The following PPP2R2C variants were observed in gnomAD, a reference collection of about 807,000 sequenced individuals.
The protein encoded by PPP2R2C is protein phosphatase 2 regulatory subunit Bgamma.
PPP2R2C carries 10 observed loss-of-function variants against 45.3 expected under a neutral mutation model. The ratio of observed to expected loss-of-function variants is 0.22; its 90% CI spans 0.14 to 0.37. The LOEUF is 0.37. PPP2R2C is among the 10% of genes least tolerant of loss of function. The pLI is 1.00. For missense variants in PPP2R2C, 308 were observed against 619.7 expected (o/e 0.50, Z 5.34); for synonymous variants, 257 against 245.4 (o/e 1.05, Z -0.44).
At chr4:6,455,480 T>C (rs933045042) in intron 1 of PPP2R2C, among the ~76,000 whole-genome samples, 1 of 152,010 alleles carries the variant, frequency 6.6e-6, no homozygotes, top group African/African-American at 2.4e-5. Flanking sequence ...CAAACACCAT[T>C]CAAGGAGACC....
At chr4:6,467,542 G>A (rs1721655841) in intron 1 of PPP2R2C, among the ~76,000 whole-genome samples, 1 of 152,058 alleles carries the variant, frequency 6.6e-6, no homozygotes, top group Admixed American at 6.5e-5. Context: ...ACCAGAAATT[G>A]GCAACCTTGA....
chr4:6,363,110 C>G (rs1183285661), intron 5 of PPP2R2C, among the ~76,000 whole-genome samples: 6 of 152,142 alleles, frequency 3.9e-5, no homozygotes, highest in African/African-American at 1.4e-4. Context: ...ACGGGGTCAG[C>G]ACCATGGACA....
At chr4:6,356,437 G>A (rs1314939385) in intron 5 of PPP2R2C, among the ~76,000 whole-genome samples, 1 of 152,178 alleles carries the variant, frequency 6.6e-6, no homozygotes, top group African/African-American at 2.4e-5. Flanking sequence ...GACTCAGTTG[G>A]GCTCCAGAGT....
rs1732108978 is a variant in PPP2R2C at position 6,328,154 on chromosome 4, A to G, written c.1052+1108T>C. ...TCCACAGGGTGGACAGCCCCCCACC[A>G]GGTGATGCCCAAGTCAGGGCTGCTG... On this transcript the variant is annotated intron_variant, in intron 8 of 8. Coordinates refer to ENST00000382599, the MANE Select transcript of PPP2R2C (RefSeq NM_020416.4). This position sits in a 1 kb window ranked among gnomAD's most constrained non-coding sequence, Gnocchi z 4.4. 6.6e-6 allele frequency among the ~76,000 whole-genome samples: 1 copy of G among 152,124 alleles called. No homozygotes were observed. Among genetic ancestry groups the G allele is most frequent in the Non-Finnish European group, 1.5e-5 (1 of 68,004 alleles).
chr4:6,552,115 C>G (rs1335392944), intron 1 of PPP2R2C, among the ~76,000 whole-genome samples: 1 of 152,204 alleles, frequency 6.6e-6, no homozygotes, highest in Non-Finnish European at 1.5e-5. Flanking sequence ...CAAGGGGAGA[C>G]CTGAGCCCAC....
chr4:6,382,720 A>T (rs1715939102), intron 1 of PPP2R2C: 2 of 413,728 alleles, frequency 4.8e-6, no homozygotes, highest in South Asian at 4.4e-5. Context: ...CACACACCCC[A>T]CATCCAATCC....
intron 1 of PPP2R2C, among the ~76,000 whole-genome samples, chr4:6,445,690 G>C (rs1160140642): frequency 6.6e-6 from 1 of 152,240 alleles, no homozygotes; most frequent in Non-Finnish European, 1.5e-5. Context: ...CGGTACTCTA[G>C]TCTGGGTGAC....
rs865807974 is a variant in PPP2R2C, at chr4:6,330,986, C to T, written c.961-1633G>A. On this transcript the variant is annotated intron_variant, in intron 7 of 8. Coordinates refer to ENST00000382599, the MANE Select transcript of PPP2R2C (RefSeq NM_020416.4). The surrounding 1 kb of genome is among the most constrained non-coding windows in gnomAD (Gnocchi z 7.0). ...TGTCTGGGACCCTCGAGGGTGAGGCCGAGGTTCTTCCTTCTCTCTGGGTCC... is the reference window on the plus strand; with the variant it reads ...TGTCTGGGACCCTCGAGGGTGAGGCTGAGGTTCTTCCTTCTCTCTGGGTCC... 3.6e-4 allele frequency among the ~76,000 whole-genome samples: 55 copies of T among 152,228 alleles called. 1 individual carries two copies. Among genetic ancestry groups the T allele is most frequent in the Middle Eastern group, 3.4e-3 (1 of 294 alleles).
At chr4:6,436,511 T>C (rs866696659) in intron 1 of PPP2R2C, among the ~76,000 whole-genome samples, 2 of 152,254 alleles carry the variant, frequency 1.3e-5, no homozygotes, top group African/African-American at 4.8e-5. Context: ...TTCCATTTGT[T>C]GCTTCAGGAT....
At chr4:6,550,223 A>G (rs1725137990) in intron 1 of PPP2R2C, among the ~76,000 whole-genome samples, 2 of 151,962 alleles carry the variant, frequency 1.3e-5, no homozygotes, top group Non-Finnish European at 2.9e-5. Context: ...TCCACCTCCA[A>G]GCTTCCTGTT....
intron 1 of PPP2R2C, among the ~76,000 whole-genome samples, chr4:6,462,630 T>G (rs2108759282): frequency 6.6e-6 from 1 of 152,220 alleles, no homozygotes; most frequent in African/African-American, 2.4e-5. Flanking sequence ...CACCCAACCA[T>G]AAGAGACATT....
chr4:6,371,436 G>A (rs1226666627), intron 5 of PPP2R2C, among the ~76,000 whole-genome samples: 3 of 152,166 alleles, frequency 2.0e-5, no homozygotes, highest in Admixed American at 2.0e-4. Flanking sequence ...CTGCTCCGAG[G>A]GACACAGCCC....
chr4:6,481,779 G>A (rs1722358128), intron 2 of PPP2R2C, among the ~76,000 whole-genome samples: 1 of 151,972 alleles, frequency 6.6e-6, no homozygotes, highest in Non-Finnish European at 1.5e-5. Flanking sequence ...AGGAGTTCGA[G>A]ACAAGCCTGG....
chr4:6,498,500 A>T (rs1044275450), intron 2 of PPP2R2C, among the ~76,000 whole-genome samples: 8 of 152,266 alleles, frequency 5.3e-5, no homozygotes, highest in Non-Finnish European at 1.2e-4. Flanking sequence ...TTTTAAATGC[A>T]TAAAAATAGA....
rs1731513686 is a variant in PPP2R2C, at chr4:6,320,932, C to G, written c.*2370G>C. The G allele has an allele frequency of 6.6e-6, 1 of 152,232 alleles. No individual in the cohort carries two copies. The highest frequency in any genetic ancestry group is 1.5e-5 in the Non-Finnish European group (1 of 68,044). 9.4% of individuals were successfully genotyped at this position (152,232 alleles called of 1,614,324 possible). On this transcript the variant is annotated 3_prime_UTR_variant, in exon 9 of 9. Coordinates refer to ENST00000382599, the MANE Select transcript of PPP2R2C (RefSeq NM_020416.4). ...TCTGTGACTATTACACTGGTCCTTC[C>G]ACCGTTTCTGGTTTTGTCCCTCCCC... is the stretch of plus-strand genomic sequence containing the variant.
At position 6,425,687 on chromosome 4, in the gene PPP2R2C, C is replaced by A. The variant is rs572869321; in HGVS notation, c.71-44593G>T. ...GCAGGAACTCACAAAAATGCAGGTCCCTGCCATCCCCATCACCACAGGGCA... is the reference window on the plus strand; with the variant it reads ...GCAGGAACTCACAAAAATGCAGGTCACTGCCATCCCCATCACCACAGGGCA... On this transcript the variant is annotated intron_variant, in intron 1 of 8. Transcript: ENST00000382599. 1.3e-5 allele frequency among the ~76,000 whole-genome samples: 2 copies of A among 152,184 alleles called. 1 individual carries two copies. The highest frequency in any genetic ancestry group is 4.1e-4 in the South Asian group (2 of 4,834).
intron 1 of PPP2R2C, among the ~76,000 whole-genome samples, chr4:6,436,414 C>T (rs1490747184): frequency 1.3e-5 from 2 of 152,222 alleles, no homozygotes; most frequent in African/African-American, 4.8e-5. Context: ...ACATCCTGCA[C>T]CCATTTTTGA....
intron 8 of PPP2R2C, 28 bp from the exon 9 acceptor site, chr4:6,323,621 G>A (rs764983460): frequency 9.9e-6 from 15 of 1,517,816 alleles, no homozygotes; most frequent in South Asian, 2.6e-5. Context: ...GGCATCAGGT[G>A]AGGAGGAGCA....
intron 1 of PPP2R2C, among the ~76,000 whole-genome samples, chr4:6,447,255 G>A (rs558673284): frequency 1.3e-5 from 2 of 152,220 alleles, no homozygotes; most frequent in African/African-American, 2.4e-5. Flanking sequence ...GGAGGCCTGC[G>A]GTGCAGAGAA....
Sources: allele counts gnomAD v4.1 joint callset (sites outside exome capture counted in the v4.1 genomes callset), GRCh38; gene constraint gnomAD v4.1.1; non-coding constraint Gnocchi (gnomAD v3.1); transcripts MANE v1.5; gene names NCBI Gene and HGNC (gene_info 2026-07-23, HGNC 2026-07-21).